OXR1: variants seen among roughly 807,000 people sequenced by gnomAD.
OXR1 encodes oxidation resistance protein 1.
OXR1 carries 41 observed loss-of-function variants against 104.6 expected under a neutral mutation model. That is an observed-to-expected ratio of 0.39 (90% CI 0.31 to 0.51). The LOEUF is 0.51. OXR1 is among the 20% of genes least tolerant of loss of function. OXR1 has a pLI of 0.77. For synonymous variants in OXR1, 348 were observed against 348.4 expected, an observed-to-expected ratio of 1.00 and a Z score of 0.01; for missense variants, 955 against 1,031.9, an observed-to-expected ratio of 0.93 and a Z score of 1.02.
intron 1 of OXR1, among the ~76,000 whole-genome samples, chr8:106,341,636 T>C (rs1815253688): frequency 1.3e-5 from 2 of 152,156 alleles, no homozygotes; most frequent in African/African-American, 4.8e-5. Context: ...TTCTGTCCTC[T>C]GAAAGCTCTA....
chr8:106,387,144 C>T (rs968653335), intron 2 of OXR1, among the ~76,000 whole-genome samples: 2 of 152,110 alleles, frequency 1.3e-5, no homozygotes, highest in African/African-American at 2.4e-5. Flanking sequence ...AGCATTAGTG[C>T]CATGCCTCTT....
intron 3 of OXR1, among the ~76,000 whole-genome samples, chr8:106,629,071 C>T (rs1045979376): frequency 6.6e-6 from 1 of 152,134 alleles, no homozygotes; most frequent in Admixed American, 6.5e-5. Flanking sequence ...CAAAATCACC[C>T]TCTTTTACTT....
At chr8:106,631,433 A>G (rs1822676265) in intron 3 of OXR1, among the ~76,000 whole-genome samples, 1 of 152,204 alleles carries the variant, frequency 6.6e-6, no homozygotes, top group Admixed American at 6.5e-5. Flanking sequence ...TAAGGTGGCA[A>G]TGTAAAGCCT....
chr8:106,673,464 A>G (rs1427235758), intron 3 of OXR1, among the ~76,000 whole-genome samples: 2 of 152,200 alleles, frequency 1.3e-5, no homozygotes, highest in Non-Finnish European at 2.9e-5. Context: ...TTTGAAGCTT[A>G]TGTTTAAATG....
chr8:106,298,756 CAAAT>C (rs768959509), intron 1 of OXR1, among the ~76,000 whole-genome samples: 5 of 138,640 alleles, frequency 3.6e-5, no homozygotes, highest in Non-Finnish European at 6.1e-5. Flanking sequence ...AAAAACAAAA[CAAAT>C]AAACAAACAA....
At chr8:106,676,117 A>T (rs980949802) in intron 3 of OXR1, among the ~76,000 whole-genome samples, 2 of 152,160 alleles carry the variant, frequency 1.3e-5, no homozygotes, top group African/African-American at 4.8e-5. Flanking sequence ...GTTTTGTCAG[A>T]AACTAGAATT....
chr8:106,282,020 T>C (rs182395011), intron 1 of OXR1, among the ~76,000 whole-genome samples: 1 of 152,266 alleles, frequency 6.6e-6, no homozygotes, highest in African/African-American at 2.4e-5. Flanking sequence ...TTTATCAATA[T>C]ATATACAACT....
At position 106,679,271 on chromosome 8, in the gene OXR1, T is replaced by A; in HGVS notation, c.282T>A (p.Pro94=). The change falls in exon 4 of 17, where the codon CCT becomes CCA. Residue 94 remains proline (P), a synonymous_variant. Transcript: ENST00000517566. ...KDGRRMSFQK[P]KGTIEYTVES... ...GAAGACGAATGTCTTTTCAGAAACC[T>A]AAAGGGACTATTGAGTATACTGTAA... 1 of 1,598,928 alleles carries A rather than the reference T, an allele frequency of 6.3e-7. No homozygotes were observed. Among genetic ancestry groups the A allele is most frequent in the Non-Finnish European group, 8.6e-7 (1 of 1,166,852 alleles).
In OXR1 at chr8:106,361,689, A is replaced by G. The variant is rs932621899; in HGVS notation, c.23+2053A>G. On this transcript the variant is annotated intron_variant, in intron 2 of 16. Transcript: ENST00000517566. ...TTTTGGGGATTATTGTTTTATAAATATTTTAACAGGAATGCACAGTAACTC... is the reference window on the plus strand; with the variant it reads ...TTTTGGGGATTATTGTTTTATAAATGTTTTAACAGGAATGCACAGTAACTC... Among the ~76,000 whole-genome samples the G allele has an allele frequency of 1.3e-5, 2 of 152,156 alleles. 1 individual carries two copies. Among genetic ancestry groups the G allele is most frequent in the Non-Finnish European group, 2.9e-5 (2 of 68,036 alleles).
At chr8:106,462,515 T>G (rs1267803421) in intron 2 of OXR1, among the ~76,000 whole-genome samples, 1 of 152,154 alleles carries the variant, frequency 6.6e-6, no homozygotes, top group Admixed American at 6.6e-5. Context: ...GATAAGCTAT[T>G]TAAAAGTCAA....
intron 2 of OXR1, among the ~76,000 whole-genome samples, chr8:106,381,179 G>T (rs187166675): frequency 1.3e-5 from 2 of 152,166 alleles, no homozygotes; most frequent in African/African-American, 4.8e-5. Context: ...CTAAATATAA[G>T]TTATTCAACC....
chr8:106,289,659 C>T (rs928061841), intron 1 of OXR1, among the ~76,000 whole-genome samples: 1 of 152,194 alleles, frequency 6.6e-6, no homozygotes, highest in Non-Finnish European at 1.5e-5. Flanking sequence ...TTAGATCACA[C>T]TACCTGATTT....
intron 1 of OXR1, among the ~76,000 whole-genome samples, chr8:106,328,460 A>G (rs952105599): frequency 6.6e-6 from 1 of 152,220 alleles, no homozygotes; most frequent in African/African-American, 2.4e-5. Flanking sequence ...ATCCCTGTCC[A>G]GTAAAATCCT....
intron 3 of OXR1, among the ~76,000 whole-genome samples, chr8:106,569,314 G>T (rs1020593864): frequency 5.9e-5 from 9 of 152,016 alleles, no homozygotes; most frequent in African/African-American, 2.2e-4. Context: ...CCAAGTTCAA[G>T]TAATCTACTC....
At chr8:106,623,112 A>C (rs985370541) in intron 3 of OXR1, among the ~76,000 whole-genome samples, 13 of 152,314 alleles carry the variant, frequency 8.5e-5, no homozygotes, top group African/African-American at 3.1e-4. Context: ...TGAGTAGATT[A>C]ATTAGAAGAA....
At chr8:106,738,507 A>G (rs549187727) in intron 12 of OXR1, among the ~76,000 whole-genome samples, 1 of 152,224 alleles carries the variant, frequency 6.6e-6, no homozygotes, top group Non-Finnish European at 1.5e-5. Context: ...ATTCCCATAT[A>G]GAATCACAGT....
chr8:106,363,936 T>TC (rs1260101687), intron 2 of OXR1, among the ~76,000 whole-genome samples: 1 of 152,104 alleles, frequency 6.6e-6, no homozygotes, highest in Non-Finnish European at 1.5e-5. Flanking sequence ...TAATTCATCT[T>TC]CTTTTTTTTT....
intron 3 of OXR1, among the ~76,000 whole-genome samples, chr8:106,673,174 G>T (rs932705673): frequency 6.6e-6 from 1 of 152,184 alleles, no homozygotes; most frequent in African/African-American, 2.4e-5. Context: ...GAATGGCTTT[G>T]ACCAAAATGC....
At chr8:106,452,169 A>G (rs1233940960) in intron 2 of OXR1, among the ~76,000 whole-genome samples, 1 of 152,180 alleles carries the variant, frequency 6.6e-6, no homozygotes, top group Non-Finnish European at 1.5e-5. Flanking sequence ...TAATTCTTCA[A>G]TGGTAAATTA....
Sources: gnomAD v4.1 joint callset for allele counts (sites outside exome capture counted in the v4.1 genomes callset) on GRCh38, gnomAD v4.1.1 for gene constraint, MANE v1.5 for transcripts, NCBI Gene and HGNC (gene_info 2026-07-23, HGNC 2026-07-21) for gene names.